Variants in ORC5 observed in about 807,000 individuals in gnomAD.
The protein encoded by ORC5 is origin recognition complex subunit 5.
In ORC5, 39 loss-of-function variants were observed where a neutral mutation model predicts 58.8. That is an observed-to-expected ratio of 0.66 (90% CI 0.51 to 0.87). The LOEUF (loss-of-function observed/expected upper bound fraction) is 0.87. ORC5 is among the 40% of genes least tolerant of loss of function. The pLI, the probability that ORC5 is intolerant of heterozygous loss-of-function variation, is 0.00. For missense variants in ORC5, 493 were observed against 506.3 expected, an observed-to-expected ratio of 0.97 and a Z score of 0.25; for synonymous variants, 218 against 177.6, an observed-to-expected ratio of 1.23 and a Z score of -1.81.
At chr7:104,189,915 G>C (rs1483477398) in intron 5 of ORC5, among the ~76,000 whole-genome samples, 3 of 152,146 alleles carry the variant, frequency 2.0e-5, no homozygotes, top group Admixed American at 1.3e-4. Context: ...CTGGGACTTA[G>C]AATGGTGTCT....
chr7:104,203,598 A>G (rs1799999779), intron 2 of ORC5, among the ~76,000 whole-genome samples: 1 of 152,236 alleles, frequency 6.6e-6, no homozygotes, highest in African/African-American at 2.4e-5. Context: ...CCAACTTTGC[A>G]GATGGAGAAA....
In ORC5 at chr7:104,138,805, C is replaced by T. The variant is rs1015302994; in HGVS notation, c.1150-1912G>A. Among the ~76,000 whole-genome samples, 1 of 152,176 alleles carries T rather than the reference C, an allele frequency of 6.6e-6. No individual in the cohort carries two copies. The highest frequency in any genetic ancestry group is 2.4e-5 in the African/African-American group (1 of 41,438). ...GGATTAGAGGCGTGAGCCCCCGCAC[C>T]CAACCATTGCTTTAAAACTTATTGC... On this transcript the variant is annotated intron_variant, in intron 12 of 13. Coordinates refer to ENST00000297431, the MANE Select transcript of ORC5 (RefSeq NM_002553.4). This position sits in a 1 kb window ranked among gnomAD's most constrained non-coding sequence, Gnocchi z 4.7.
At chr7:104,131,538 T>C (rs12705175) in intron 13 of ORC5, among the ~76,000 whole-genome samples, 7,857 of 152,274 alleles carry the variant, frequency 0.052, 262 homozygotes, top group Non-Finnish European at 0.077. Flanking sequence ...CTCAACCACA[T>C]AACCCCTTCA....
intron 6 of ORC5, among the ~76,000 whole-genome samples, chr7:104,185,256 T>C (rs571316598): frequency 2.2e-4 from 34 of 152,078 alleles, no homozygotes; most frequent in African/African-American, 7.9e-4. Context: ...AATTTAAAAT[T>C]AAATTAAAAT....
chr7:104,133,235 G>A lies in ORC5; in HGVS notation c.1262+3546C>T, dbSNP rs544486765. On this transcript the variant is annotated intron_variant, in intron 13 of 13. Coordinates refer to ENST00000297431, the MANE Select transcript of ORC5 (RefSeq NM_002553.4). The surrounding 1 kb of genome is among the most constrained non-coding windows in gnomAD (Gnocchi z 4.7). ...TGGATAATAAATTATAAGAGGATAA[G>A]AGCAGACAGAAGATCAATTAGACTG... is the stretch of plus-strand genomic sequence containing the variant. 6.6e-6 allele frequency among the ~76,000 whole-genome samples: 1 copy of A among 152,260 alleles called. No homozygotes were observed. Among genetic ancestry groups the A allele is most frequent in the South Asian group, 2.1e-4 (1 of 4,826 alleles).
At chr7:104,147,552 G>A (rs1798776757) in intron 12 of ORC5, among the ~76,000 whole-genome samples, 1 of 152,054 alleles carries the variant, frequency 6.6e-6, no homozygotes, top group Non-Finnish European at 1.5e-5. Context: ...AAACTTTGGA[G>A]ATCAATACTT....
chr7:104,207,994 T>G lies in ORC5; in HGVS notation c.-90A>C, dbSNP rs1359059073. ...CTCTCCCGAGTCTGGCGGCCCACGC[T>G]CCCGCCGGAAACCGGACCCGCAGCG... On this transcript the variant is annotated 5_prime_UTR_variant, in exon 1 of 14. Transcript: ENST00000297431. The G allele has an allele frequency of 2.3e-6, 3 of 1,290,746 alleles. No individual in the cohort carries two copies. In the East Asian group the frequency reaches 7.1e-5, roughly 31 times the overall value. The allele number at this position is 1,290,746 out of a possible 1,614,324, so 80.0% of individuals were successfully genotyped here. A position where few individuals can be genotyped will look rare whatever the true frequency, so the allele number is the denominator to read the frequency against.
intron 12 of ORC5, among the ~76,000 whole-genome samples, chr7:104,159,412 G>T (rs1798986552): frequency 6.8e-6 from 1 of 147,244 alleles, no homozygotes; most frequent in Non-Finnish European, 1.5e-5. Flanking sequence ...CACCAGCATG[G>T]CACATGTATA....
chr7:104,159,246 A>G (rs1297257256), intron 12 of ORC5, among the ~76,000 whole-genome samples: 2 of 144,004 alleles, frequency 1.4e-5, no homozygotes, highest in East Asian at 2.1e-4. Flanking sequence ...CAAACACCGC[A>G]TGTTCTCACT....
At chr7:104,205,467 T>C (rs2116122396) in intron 1 of ORC5, among the ~76,000 whole-genome samples, 1 of 152,138 alleles carries the variant, frequency 6.6e-6, no homozygotes, top group South Asian at 2.1e-4. Context: ...TAAGTCTCTA[T>C]TAATTATCAT....
At chr7:104,177,164 A>G (rs1329655766) in intron 8 of ORC5, among the ~76,000 whole-genome samples, 1 of 152,252 alleles carries the variant, frequency 6.6e-6, no homozygotes, top group East Asian at 1.9e-4. Flanking sequence ...AAATCTACTT[A>G]TACTTGTTAA....
At chr7:104,185,889 T>C (rs929985775) in intron 6 of ORC5, among the ~76,000 whole-genome samples, 2 of 152,150 alleles carry the variant, frequency 1.3e-5, no homozygotes, top group East Asian at 1.9e-4. Flanking sequence ...TGTAACTATA[T>C]AACATATAAC....
chr7:104,161,789 T>A (rs1387908771), intron 11 of ORC5, among the ~76,000 whole-genome samples: 1 of 152,222 alleles, frequency 6.6e-6, no homozygotes, highest in East Asian at 1.9e-4. Context: ...GTCCTAAATA[T>A]GCCTCCTATT....
At chr7:104,201,616 C>A (rs1799944676) in intron 2 of ORC5, among the ~76,000 whole-genome samples, 1 of 145,304 alleles carries the variant, frequency 6.9e-6, no homozygotes, top group African/African-American at 2.6e-5. Context: ...ATAGCGAGAC[C>A]CTGTCACTAT....
At chr7:104,167,857 A>G (rs1799134114) in intron 9 of ORC5, 1 of 152,252 alleles carries the variant, frequency 6.6e-6, no homozygotes, top group South Asian at 2.1e-4. Context: ...TCCTAAAAAC[A>G]CACAACTAGA....
chr7:104,171,341 T>G (rs1799207436), intron 8 of ORC5, among the ~76,000 whole-genome samples: 1 of 152,210 alleles, frequency 6.6e-6, no homozygotes. Flanking sequence ...TACCTAATGT[T>G]TGGCTTGGTC....
chr7:104,188,095 A>C (rs1253783396), intron 6 of ORC5, 156 bp downstream of exon 6: 5 of 933,350 alleles, frequency 5.4e-6, no homozygotes, highest in Non-Finnish European at 7.3e-6. Context: ...TAGTCTCTAG[A>C]GGCCATATGC....
At chr7:104,165,194 A>C (rs762100143) in intron 11 of ORC5, 41 bp downstream of exon 11, 10 of 1,001,266 alleles carry the variant, frequency 1.0e-5, no homozygotes, top group Non-Finnish European at 1.5e-5. Flanking sequence ...TATTATCTTC[A>C]TTTCCTAAGT....
chr7:104,198,546 C>A (rs1421824543), intron 3 of ORC5, among the ~76,000 whole-genome samples: 1 of 152,216 alleles, frequency 6.6e-6, no homozygotes, highest in Non-Finnish European at 1.5e-5. Flanking sequence ...GCAAAGCATT[C>A]AACAGGTGAC....
Sources: gnomAD v4.1 joint callset for allele counts (sites outside exome capture counted in the v4.1 genomes callset) on GRCh38, gnomAD v4.1.1 for gene constraint, Gnocchi (gnomAD v3.1) non-coding constraint, MANE v1.5 for transcripts, NCBI Gene and HGNC (gene_info 2026-07-23, HGNC 2026-07-21) for gene names.